Variants in TRAK1 observed in about 807,000 individuals in gnomAD.
TRAK1 encodes trafficking kinesin-binding protein 1.
A neutral mutation model predicts 92.1 loss-of-function variants in TRAK1; 33 were observed. The ratio of observed to expected loss-of-function variants is 0.36; its 90% CI spans 0.27 to 0.48. TRAK1 has a LOEUF of 0.48. TRAK1 is among the 20% of genes least tolerant of loss of function. The pLI, the probability that TRAK1 is intolerant of heterozygous loss-of-function variation, is 0.99. For synonymous variants in TRAK1, 521 were observed against 517.3 expected (o/e 1.01, Z -0.10); for missense variants, 1,123 against 1,257.9 (o/e 0.89, Z 1.62).
At chr3:42,184,946 C>G (rs1375536) in intron 4 of TRAK1, 145 bp downstream of exon 4, 411,224 of 686,478 alleles carry the variant, frequency 0.6, 127,800 homozygotes, top group East Asian at 0.97. Flanking sequence ...AGAACTGTCT[C>G]TTCTGAAACG....
chr3:42,023,712 T>G (rs1035126915), intron 1 of TRAK1, among the ~76,000 whole-genome samples: 1 of 151,402 alleles, frequency 6.6e-6, no homozygotes, highest in Non-Finnish European at 1.5e-5. Flanking sequence ...GGGTCTTGTT[T>G]TGAATGTGCT....
chr3:42,033,230 G>A (rs1702214433), intron 1 of TRAK1, among the ~76,000 whole-genome samples: 2 of 152,150 alleles, frequency 1.3e-5, no homozygotes, highest in Non-Finnish European at 2.9e-5. Flanking sequence ...AATGTGTGAG[G>A]CGCAATTAGA....
intron 1 of TRAK1, among the ~76,000 whole-genome samples, chr3:42,048,500 T>C (rs1489265387): frequency 6.6e-6 from 1 of 152,202 alleles, no homozygotes; most frequent in Non-Finnish European, 1.5e-5. Context: ...GAAAAGTCAC[T>C]GTTTCTAACT....
Position 42,199,330 on chromosome 3 carries a change from G to A in TRAK1, c.1190+77G>A, listed in dbSNP as rs1441368545. ...AGTGCAGTGTTCAAAACCTAGCAAT[G>A]TTGAGGCTCTGGGTACCGACAGTGA... On this transcript the variant is annotated intron_variant, in intron 11 of 15. Transcript: ENST00000327628. 2.8e-6 allele frequency: 4 copies of A among 1,448,242 alleles called. No homozygotes were observed. In the East Asian group the frequency reaches 9.3e-5, roughly 34 times the overall value. 89.7% of individuals were successfully genotyped at this position (1,448,242 alleles called of 1,614,324 possible).
intron 2 of TRAK1, among the ~76,000 whole-genome samples, chr3:42,141,519 A>G: frequency 6.6e-6 from 1 of 152,288 alleles, no homozygotes; most frequent in South Asian, 2.1e-4. Context: ...AAATTACCAC[A>G]AACTTGGTGG....
At chr3:42,122,952 G>T (rs1323990607) in intron 1 of TRAK1, among the ~76,000 whole-genome samples, 1 of 152,166 alleles carries the variant, frequency 6.6e-6, no homozygotes, top group Non-Finnish European at 1.5e-5. Context: ...CAGGACTAAA[G>T]CTCCAACTAA....
intron 2 of TRAK1, among the ~76,000 whole-genome samples, chr3:42,131,789 G>C (rs1273876965): frequency 6.6e-6 from 1 of 151,708 alleles, no homozygotes; most frequent in Non-Finnish European, 1.5e-5. Context: ...CAGGCGTGGT[G>C]GCTCACGCCT....
chr3:42,181,195 C>T (rs1257448023), intron 3 of TRAK1, among the ~76,000 whole-genome samples: 1 of 152,220 alleles, frequency 6.6e-6, no homozygotes, highest in African/African-American at 2.4e-5. Context: ...ATGCCTGAGC[C>T]ATCTTCATTA....
intron 2 of TRAK1, among the ~76,000 whole-genome samples, chr3:42,143,459 T>C (rs1389920641): frequency 2.6e-5 from 4 of 152,202 alleles, no homozygotes; most frequent in Admixed American, 1.3e-4. Flanking sequence ...CCTGGGCAAG[T>C]GACTTAAGCC....
intron 2 of TRAK1, among the ~76,000 whole-genome samples, chr3:42,151,601 G>A (rs1189855424): frequency 6.6e-6 from 1 of 152,172 alleles, no homozygotes; most frequent in East Asian, 1.9e-4. Context: ...TAAAGAGGTA[G>A]CAAAGTAGGG....
chr3:42,057,850 C>T (rs960438461), intron 1 of TRAK1, among the ~76,000 whole-genome samples: 1 of 152,152 alleles, frequency 6.6e-6, no homozygotes, highest in Non-Finnish European at 1.5e-5. Context: ...GTGGCCCACA[C>T]CATGTTAATC....
chr3:42,125,289 T>C (rs751621237), intron 1 of TRAK1, 131 bp from the exon 2 acceptor site: 22 of 759,688 alleles, frequency 2.9e-5, no homozygotes, highest in Non-Finnish European at 4.3e-5. Context: ...ACTCCTGATA[T>C]AGCCTTGTCT....
At position 42,194,898 on chromosome 3, in the gene TRAK1, A is replaced by G. The variant is rs749630929; in HGVS notation, c.1070A>G (p.Asn357Ser). 21 of 1,613,852 alleles carry G rather than the reference A, an allele frequency of 1.3e-5. No individual in the cohort carries two copies. The highest frequency in any genetic ancestry group is 3.3e-5 in the South Asian group (3 of 91,024). ...LKNLRNKTMP[N>S]TTSRRYHSLG... is the part of the protein sequence containing the mutation. ...AACCTCCGGAACAAAACCATGCCCA[A>G]TACCACGTCTCGGCGCTACCACTCA... is the stretch of plus-strand genomic sequence containing the variant. Residue 357 changes from asparagine (N) to serine (S), a missense_variant, in exon 10 of 16, where the codon AAT (asparagine) becomes AGT (serine). Transcript: ENST00000327628.
upstream of TRAK1, among the ~76,000 whole-genome samples, chr3:42,087,749 C>T (rs1242669606): frequency 2.0e-5 from 3 of 152,226 alleles, no homozygotes; most frequent in Non-Finnish European, 4.4e-5. Flanking sequence ...TCTCTCTTTG[C>T]ACTCAGCTTC....
chr3:42,077,373 C>T (rs1320570426), intron 1 of TRAK1, among the ~76,000 whole-genome samples: 2 of 152,214 alleles, frequency 1.3e-5, no homozygotes, highest in African/African-American at 4.8e-5. Context: ...ACTGCAACCT[C>T]TGCCTCCTGG....
intron 7 of TRAK1, among the ~76,000 whole-genome samples, 190 bp from the exon 8 acceptor site, chr3:42,192,885 C>A (rs140948075): frequency 1.3e-5 from 2 of 152,316 alleles, no homozygotes; most frequent in Non-Finnish European, 2.9e-5. Context: ...TGATTGAGCC[C>A]TGAAGAAGCT....
chr3:42,122,081 G>A (rs1709957927), intron 1 of TRAK1, among the ~76,000 whole-genome samples: 1 of 152,080 alleles, frequency 6.6e-6, no homozygotes, highest in Admixed American at 6.5e-5. Context: ...GCCTCCCAAA[G>A]TGCTGGGATT....
At chr3:42,046,518 C>G (rs1049221874) in intron 1 of TRAK1, among the ~76,000 whole-genome samples, 8 of 152,146 alleles carry the variant, frequency 5.3e-5, no homozygotes, top group African/African-American at 1.9e-4. Flanking sequence ...CTGGGCTTCC[C>G]TTCTGGAGGG....
chr3:42,041,979 A>G (rs985376092), intron 1 of TRAK1, among the ~76,000 whole-genome samples: 2 of 152,116 alleles, frequency 1.3e-5, no homozygotes, highest in African/African-American at 4.8e-5. Context: ...TTTAGTAGAG[A>G]CAAGGTTTTT....
Sources: gnomAD v4.1 joint callset for allele counts (sites outside exome capture counted in the v4.1 genomes callset) on GRCh38, gnomAD v4.1.1 for gene constraint, MANE v1.5 for transcripts, NCBI Gene and HGNC (gene_info 2026-07-23, HGNC 2026-07-21) for gene names.